NIT1: variants seen among roughly 807,000 people sequenced by gnomAD.
The protein encoded by NIT1 is nitrilase 1.
NIT1 carries 30 observed loss-of-function variants against 36.8 expected under a neutral mutation model. The observed-to-expected ratio is 0.82, with a 90% CI of 0.61 to 1.11. The LOEUF (loss-of-function observed/expected upper bound fraction) is 1.11. NIT1 is among the 50% of genes least tolerant of loss of function. The probability of loss-of-function intolerance (pLI) is 0.00; values close to 1 mark genes in which losing one functional copy is unlikely to be tolerated. For synonymous variants in NIT1, 151 were observed against 155.6 expected (o/e 0.97, Z 0.22); for missense variants, 438 against 410.6 (o/e 1.07, Z -0.58).
downstream of NIT1, chr1:161,121,236 G>A (rs939489702): frequency 7.7e-5 from 74 of 962,616 alleles, no homozygotes; most frequent in Middle Eastern, 5.3e-4. Context: ...GGGAGTGGGC[G>A]TAGGAGTGGA....
intron 1 of NIT1, chr1:161,118,480 C>G: frequency 6.5e-7 from 1 of 1,536,134 alleles, no homozygotes. Context: ...CTTGGGAAAA[C>G]CAAGGATAGT....
Position 161,120,029 on chromosome 1 carries a change from A to G in NIT1, c.591+77A>G, listed in dbSNP as rs560993539. 59 of 1,607,786 alleles carry G rather than the reference A, an allele frequency of 3.7e-5. 1 individual carries two copies. In the East Asian group the frequency reaches 6.7e-4, roughly 18 times the overall value. On this transcript the variant is annotated intron_variant, in intron 5 of 6. Coordinates refer to ENST00000368009, the MANE Select transcript of NIT1 (RefSeq NM_005600.3). ...AGTAGAGGATAGAAAGCCCTAAGAGAGGGGGTAATGGAAATATGACTAGAT... is the reference window on the plus strand; with the variant it reads ...AGTAGAGGATAGAAAGCCCTAAGAGGGGGGGTAATGGAAATATGACTAGAT...
At position 161,120,898 on chromosome 1, in the gene NIT1, AAC is replaced by A. The variant is rs774691002; in HGVS notation, c.*137_*138del. ...TGGAGAACCTTGACTCTCTTGATGG[AAC>A]ACAGATGGGCTGCTTGGGAAAGAAA... On this transcript the variant is annotated 3_prime_UTR_variant, in exon 7 of 7. Coordinates refer to ENST00000368009, the MANE Select transcript of NIT1 (RefSeq NM_005600.3). 15 of 1,445,978 alleles carry A rather than the reference AAC, an allele frequency of 1.0e-5. No individual in the cohort carries two copies. The highest frequency in any genetic ancestry group is 1.2e-5 in the Non-Finnish European group (13 of 1,105,014). The allele number at this position is 1,445,978 out of a possible 1,614,324, so 89.6% of individuals were successfully genotyped here. A position where few individuals can be genotyped will look rare whatever the true frequency, so the allele number is the denominator to read the frequency against.
At position 161,120,129 on chromosome 1, in the gene NIT1, A is replaced by C. The variant is rs748897347; in HGVS notation, c.614A>C (p.Asp205Ala). The change falls in exon 6 of 7, where the codon GAC (aspartate) becomes GCC (alanine). Residue 205 changes from aspartate to alanine, a missense_variant. Coordinates refer to ENST00000368009, the MANE Select transcript of NIT1 (RefSeq NM_005600.3). ...AGKIGLAVCYDMRFPELSLAL... is the reference protein window; with the variant it reads ...AGKIGLAVCYAMRFPELSLAL... ...CAGATTGGTCTAGCTGTCTGCTATG[A>C]CATGCGGTTCCCTGAACTCTCTCTG... is the stretch of plus-strand genomic sequence containing the variant. The C allele has an allele frequency of 4.0e-5, 64 of 1,614,054 alleles. No individual in the cohort carries two copies. The highest frequency in any genetic ancestry group is 4.8e-5 in the Non-Finnish European group (57 of 1,180,036).
chr1:161,121,059 CAT>C lies in NIT1; in HGVS notation c.*296_*297del, dbSNP rs1310610617. 8.0e-6 allele frequency: 10 copies of C among 1,249,978 alleles called. No individual in the cohort carries two copies. In the East Asian group the frequency reaches 2.9e-4, roughly 36 times the overall value. 77.4% of individuals were successfully genotyped at this position (1,249,978 alleles called of 1,614,324 possible). A position where few individuals can be genotyped will look rare whatever the true frequency, so the allele number is the denominator to read the frequency against. On this transcript the variant is annotated 3_prime_UTR_variant, in exon 7 of 7. Coordinates refer to ENST00000368009, the MANE Select transcript of NIT1 (RefSeq NM_005600.3). ...CACTGGCATTGAAAAATATAATAAT[CAT>C]AAAGTCTGTGTCTGGACATCGCCTT...
chr1:161,122,083 A>T, downstream of NIT1: 1 of 1,575,826 alleles, frequency 6.3e-7, no homozygotes, highest in Non-Finnish European at 8.6e-7. This position sits in a 1 kb window ranked among gnomAD's most constrained non-coding sequence, Gnocchi z 4.2. Flanking sequence ...AACAAACCCC[A>T]GAACAGTGTA....
chr1:161,124,299 T>G, downstream of NIT1: 2 of 1,614,214 alleles, frequency 1.2e-6, no homozygotes, highest in South Asian at 2.2e-5. Flanking sequence ...ACGCTCGTGG[T>G]CATCAATGAC....
chr1:161,118,276 G>A lies in NIT1; in HGVS notation c.2+98G>A. 1.9e-6 allele frequency: 3 copies of A among 1,605,704 alleles called. No homozygotes were observed. The Admixed American group carries it at 5.1e-5, about 27-fold the overall frequency. On this transcript the variant is annotated intron_variant, in intron 1 of 6. Coordinates refer to ENST00000368009, the MANE Select transcript of NIT1 (RefSeq NM_005600.3). ...GCTGCCTCTGGGAGAGGCGGGGAGG[G>A]ACGGGCCAACTGGAGCGGGCGGCGG...
chr1:161,120,535 T>C lies in NIT1; in HGVS notation c.754T>C (p.Tyr252His). 6.2e-7 allele frequency: 1 copy of C among 1,614,204 alleles called. No homozygotes were observed. Among genetic ancestry groups the C allele is most frequent in the Non-Finnish European group, 8.5e-7 (1 of 1,180,040 alleles). ...GGCCCGTGCTATCGAAACCCAGTGCTATGTAGTGGCAGCAGCACAGTGTGG... is the reference window on the plus strand; with the variant it reads ...GGCCCGTGCTATCGAAACCCAGTGCCATGTAGTGGCAGCAGCACAGTGTGG... ...LRARAIETQC[Y>H]VVAAAQCGRH... The change falls in exon 7 of 7, where the codon TAT becomes CAT. Residue 252 changes from tyrosine to histidine, a missense_variant. Tyr to His is a moderately conservative substitution (Grantham distance 83). Coordinates refer to ENST00000368009, the MANE Select transcript of NIT1 (RefSeq NM_005600.3).
chr1:161,119,062 C>G (rs1655126480), intron 2 of NIT1, 72 bp from the exon 3 acceptor site: 1 of 1,573,490 alleles, frequency 6.4e-7, no homozygotes, highest in African/African-American at 1.4e-5. Flanking sequence ...TGCCTCTCCA[C>G]TTGCACCCCT....
downstream of NIT1, chr1:161,123,092 T>C (rs534874719): frequency 1.3e-4 from 204 of 1,614,208 alleles, 1 homozygote; most frequent in South Asian, 2.2e-3. Context: ...CTGCTTCTCC[T>C]TGGGATCTGG....
chr1:161,121,888 C>T (rs527523552), downstream of NIT1: 5 of 447,172 alleles, frequency 1.1e-5, no homozygotes, highest in Admixed American at 1.8e-4. Context: ...ATACATTTGT[C>T]TTACGGCTCA....
chr1:161,123,902 G>T, downstream of NIT1: 1 of 1,614,088 alleles, frequency 6.2e-7, no homozygotes, highest in Non-Finnish European at 8.5e-7. Context: ...GTCACATAGC[G>T]AATTGATGTC....
chr1:161,119,017 TG>T, intron 2 of NIT1, 116 bp from the exon 3 acceptor site: 1 of 1,416,668 alleles, frequency 7.1e-7, no homozygotes, highest in Non-Finnish European at 9.9e-7. Flanking sequence ...CAACGTGCCC[TG>T]TAAGAGCATG....
chr1:161,123,776 T>C, downstream of NIT1: 1 of 1,413,462 alleles, frequency 7.1e-7, no homozygotes, highest in East Asian at 2.3e-5. Context: ...AAGCCCAGAA[T>C]GTGATGGGAT....
intron 6 of NIT1, 132 bp downstream of exon 6, chr1:161,120,364 T>G: frequency 2.1e-6 from 3 of 1,444,346 alleles, no homozygotes; most frequent in Non-Finnish European, 2.8e-6. Context: ...CTCTCATGAA[T>G]AGTTAAAATA....
At position 161,119,900 on chromosome 1, in the gene NIT1, C is replaced by T. The variant is rs1402678308; in HGVS notation, c.539C>T (p.Ser180Phe). The T allele has an allele frequency of 2.2e-5, 35 of 1,612,868 alleles. No individual in the cohort carries two copies. The highest frequency in any genetic ancestry group is 3.0e-5 in the Non-Finnish European group (35 of 1,179,772). Residue 180 changes from serine to phenylalanine, a missense_variant, in exon 5 of 7, where the codon TCT becomes TTT. Coordinates refer to ENST00000368009, the MANE Select transcript of NIT1 (RefSeq NM_005600.3). ...CAGGGGCCTATGTGTGAAAGCAACT[C>T]TACCATGCCTGGGCCCAGTCTTGAG... ...PGQGPMCESN[S>F]TMPGPSLESP...
chr1:161,119,678 T>C (rs1330273981), intron 4 of NIT1, 66 bp downstream of exon 4: 4 of 1,584,980 alleles, frequency 2.5e-6, no homozygotes, highest in Non-Finnish European at 3.5e-6. Context: ...TCCAGAATTG[T>C]TTCTCAACTC....
chr1:161,120,207 C>G lies in NIT1; in HGVS notation c.692C>G (p.Ser231Cys), dbSNP rs144821669. ...EILTYPSAFG[S>C]ITGPAHWEVL... is the part of the protein sequence containing the mutation. ...CTTACCTATCCTTCAGCTTTTGGAT[C>G]CATTACAGGCCCAGCCCACTGGGAG... Residue 231 changes from serine to cysteine, a missense_variant, in exon 6 of 7, where the codon TCC (serine) becomes TGC (cysteine). Coordinates refer to ENST00000368009, the MANE Select transcript of NIT1 (RefSeq NM_005600.3). 780 of 1,614,072 alleles carry G rather than the reference C, an allele frequency of 4.8e-4. No homozygotes were observed. The highest frequency in any genetic ancestry group is 5.9e-4 in the Non-Finnish European group (700 of 1,180,004).
Sources: gnomAD v4.1 joint callset for allele counts on GRCh38, gnomAD v4.1.1 for gene constraint, Gnocchi (gnomAD v3.1) non-coding constraint, MANE v1.5 for transcripts, NCBI Gene and HGNC (gene_info 2026-07-23, HGNC 2026-07-21) for gene names.